Variants in NTHL1 observed in about 807,000 individuals in gnomAD.
NTHL1 encodes the protein nth like DNA glycosylase 1.
A neutral mutation model predicts 32.3 loss-of-function variants in NTHL1; 32 were observed. The ratio of observed to expected loss-of-function variants is 0.99; its 90% CI spans 0.75 to 1.33. The LOEUF (loss-of-function observed/expected upper bound fraction) is 1.33, where lower values mean the gene tolerates loss of function less well. Among genes scored for constraint, NTHL1 ranks in the 40% most tolerant of loss-of-function variants. The pLI, the probability that NTHL1 is intolerant of heterozygous loss-of-function variation, is 0.00. For missense variants in NTHL1, 501 were observed against 414.1 expected, an observed-to-expected ratio of 1.21 and a Z score of -1.82; for synonymous variants, 188 against 176.9, an observed-to-expected ratio of 1.06 and a Z score of -0.50.
At position 2,044,556 on chromosome 16, in the gene NTHL1, C is replaced by T; in HGVS notation, c.525+74G>A. 2.5e-6 allele frequency: 4 copies of T among 1,579,978 alleles called. No homozygotes were observed. Among genetic ancestry groups the T allele is most frequent in the Non-Finnish European group, 3.4e-6 (4 of 1,165,174 alleles). On this transcript the variant is annotated intron_variant, in intron 3 of 5. Transcript: ENST00000651570. The surrounding 1 kb of genome is among the most constrained non-coding windows in gnomAD (Gnocchi z 5.0). Reference sequence around the variant, plus strand: ...TTGACCCTCACTTCCTGCACCGTCGCCACCCCCCTCAGCCTTCTGAGGTCT... The same window carrying T: ...TTGACCCTCACTTCCTGCACCGTCGTCACCCCCCTCAGCCTTCTGAGGTCT...
At chr16:2,041,985 T>C (rs2084273606) in intron 4 of NTHL1, 6 of 453,548 alleles carry the variant, frequency 1.3e-5, no homozygotes, top group Admixed American at 9.5e-5. Flanking sequence ...ACTCCTGACC[T>C]CAGGTGATCC....
chr16:2,042,442 G>A (rs897401021), intron 4 of NTHL1, among the ~76,000 whole-genome samples: 16 of 152,258 alleles, frequency 1.1e-4, no homozygotes, highest in African/African-American at 2.6e-4. Flanking sequence ...AGGTGGCCCC[G>A]GCTCAGAATA....
chr16:2,043,548 C>G lies in NTHL1; in HGVS notation c.685+19G>C. The G allele has an allele frequency of 6.2e-7, 1 of 1,603,002 alleles. No homozygotes were observed. The highest frequency in any genetic ancestry group is 1.3e-5 in the African/African-American group (1 of 75,026). Reference sequence around the variant, plus strand: ...GAGCAGCCAGTGGGCTGGAGCCAGCCCCGCCCTCCTCTACTCACCAATGCC... The same window carrying G: ...GAGCAGCCAGTGGGCTGGAGCCAGCGCCGCCCTCCTCTACTCACCAATGCC... On this transcript the variant is annotated intron_variant, in intron 4 of 5. Transcript: ENST00000651570. The surrounding 1 kb of genome is among the most constrained non-coding windows in gnomAD (Gnocchi z 4.4).
rs2150938422 is a variant in NTHL1, at chr16:2,040,222, C to T, written c.702G>A (p.Val234=). 6.2e-7 allele frequency: 1 copy of T among 1,613,702 alleles called. No individual in the cohort carries two copies. The highest frequency in any genetic ancestry group is 8.5e-7 in the Non-Finnish European group (1 of 1,180,020). Residue 234 remains valine, a synonymous_variant, in exon 5 of 6, where the codon GTG becomes GTA. Coordinates refer to ENST00000651570, the MANE Select transcript of NTHL1 (RefSeq NM_002528.7). The part of the protein sequence containing the change: ...TVSGIAVDTH[V]HRIANRLRWT... ...ACCTCAGCCTGTTGGCGATTCTGTG[C>T]ACATGCGTGTCCACTGCTGCTGGGA...
chr16:2,040,428 C>T, intron 4 of NTHL1, 190 bp from the exon 5 acceptor site: 1 of 656,266 alleles, frequency 1.5e-6, no homozygotes, highest in South Asian at 1.7e-5. Flanking sequence ...AGGGGCTGAG[C>T]CCTCTGTTGG....
At chr16:2,045,751 T>C (rs2084340589) in intron 2 of NTHL1, among the ~76,000 whole-genome samples, 1 of 152,170 alleles carries the variant, frequency 6.6e-6, no homozygotes, top group Admixed American at 6.5e-5. Flanking sequence ...CTACCCATTT[T>C]ACAGACAAGC....
chr16:2,047,531 G>T (rs1258895080), intron 1 of NTHL1, 178 bp downstream of exon 1: 4 of 1,099,106 alleles, frequency 3.6e-6, no homozygotes, highest in African/African-American at 1.6e-5. Context: ...CCTGCGGACC[G>T]CAATCTTTGG....
In NTHL1 at chr16:2,043,712, G is replaced by A. The variant is rs750162495; in HGVS notation, c.540C>T (p.Tyr180=). Residue 180 remains tyrosine (Y), a synonymous_variant, in exon 4 of 6, where the codon TAC becomes TAT. Transcript: ENST00000651570. This position sits in a 1 kb window ranked among gnomAD's most constrained non-coding sequence, Gnocchi z 4.4. ...GCAGGATGGCGCTGGTCTGCTTGAT[G>A]TATTTCACCTTGCTCTGAAAGACAG... is the stretch of plus-strand genomic sequence containing the variant. ...PVGFWRSKVK[Y]IKQTSAILQQ... The A allele has an allele frequency of 4.3e-6, 7 of 1,611,832 alleles. No homozygotes were observed. The South Asian group carries it at 7.7e-5, about 18-fold the overall frequency.
chr16:2,047,583 C>T, intron 1 of NTHL1, 126 bp downstream of exon 1: 1 of 1,402,332 alleles, frequency 7.1e-7, no homozygotes, highest in Non-Finnish European at 9.4e-7. Flanking sequence ...CACGTGGGAA[C>T]CGTTCGCGGC....
In NTHL1 at chr16:2,044,547, GCAC is replaced by G; in HGVS notation, c.525+80_525+82del. 1 of 1,564,124 alleles carries G rather than the reference GCAC, an allele frequency of 6.4e-7. No homozygotes were observed. The highest frequency in any genetic ancestry group is 8.7e-7 in the Non-Finnish European group (1 of 1,151,170). On this transcript the variant is annotated intron_variant, in intron 3 of 5. Transcript: ENST00000651570. The surrounding 1 kb of genome is among the most constrained non-coding windows in gnomAD (Gnocchi z 5.0). ...CTGAGATGCTTGACCCTCACTTCCT[GCAC>G]CGTCGCCACCCCCCTCAGCCTTCTG...
In NTHL1 at chr16:2,039,935, G is replaced by A. The variant is rs748270262; in HGVS notation, c.904C>T (p.Gln302Ter). ...CLNQALCPAA[Q>*]GL ...GAGCCATGCGGCCATCAGAGACCCT[G>A]GGCGGCCGGGCAGAGGGCTTGGTTG... Residue 302 changes from glutamine (Q) to a stop codon, truncating the protein, a stop_gained, in exon 6 of 6, where the codon CAG becomes TAG. Transcript: ENST00000651570. LOFTEE classifies it high-confidence loss of function. 1.2e-6 allele frequency: 2 copies of A among 1,603,078 alleles called. No homozygotes were observed. Among genetic ancestry groups the A allele is most frequent in the Non-Finnish European group, 1.7e-6 (2 of 1,179,858 alleles).
At position 2,039,850 on chromosome 16, in the gene NTHL1, C is replaced by T. The variant is rs749683630; in HGVS notation, c.*74G>A. 14 of 1,585,114 alleles carry T rather than the reference C, an allele frequency of 8.8e-6. No homozygotes were observed. The highest frequency in any genetic ancestry group is 1.7e-5 in the Admixed American group (1 of 59,862). ...ACACACCAAAGCTTTATTCAACAGG[C>T]GTGGCTTCCTGAAGCGTAAAGCCAC... is the stretch of plus-strand genomic sequence containing the variant. On this transcript the variant is annotated 3_prime_UTR_variant, in exon 6 of 6. Transcript: ENST00000651570.
rs1330061245 is a variant in NTHL1, at chr16:2,046,021, A to G, written c.354+107T>C. ...GGGGCACCGGGTGTCCATCCTCCCA[A>G]GGTGCTGTCTGCAGGGGAGGGTGCC... On this transcript the variant is annotated intron_variant, in intron 2 of 5. Transcript: ENST00000651570. 23 of 848,472 alleles carry G rather than the reference A, an allele frequency of 2.7e-5. No individual in the cohort carries two copies. In the East Asian group the frequency reaches 5.6e-4, roughly 21 times the overall value. The allele number at this position is 848,472 out of a possible 1,614,324, so 52.6% of individuals were successfully genotyped here.
chr16:2,041,127 G>A (rs1028855351), intron 4 of NTHL1, among the ~76,000 whole-genome samples: 13 of 152,238 alleles, frequency 8.5e-5, no homozygotes, highest in African/African-American at 2.2e-4. Context: ...AGAGAAAGCC[G>A]AGGCCTGCAC....
intron 1 of NTHL1, 186 bp downstream of exon 1, chr16:2,047,523 T>C: frequency 9.6e-7 from 1 of 1,037,588 alleles, no homozygotes; most frequent in Non-Finnish European, 1.3e-6. Flanking sequence ...ACCCAGCCCC[T>C]GCGGACCGCA....
Position 2,039,917 on chromosome 16 carries a change from G to A in NTHL1, c.*7C>T. 2 of 1,600,800 alleles carry A rather than the reference G, an allele frequency of 1.2e-6. No individual in the cohort carries two copies. Among genetic ancestry groups the A allele is most frequent in the Non-Finnish European group, 1.7e-6 (2 of 1,179,818 alleles). On this transcript the variant is annotated 3_prime_UTR_variant, in exon 6 of 6. Coordinates refer to ENST00000651570, the MANE Select transcript of NTHL1 (RefSeq NM_002528.7). ...ACAGCGGCACCTCGGCCAGAGCCAT[G>A]CGGCCATCAGAGACCCTGGGCGGCC...
chr16:2,040,929 C>T (rs938575764), intron 4 of NTHL1, among the ~76,000 whole-genome samples: 1 of 152,226 alleles, frequency 6.6e-6, no homozygotes, highest in African/African-American at 2.4e-5. Context: ...TAGCACCTGC[C>T]ACTGCAGCGG....
Position 2,039,842 on chromosome 16 carries a change from T to G in NTHL1, c.*82A>C. On this transcript the variant is annotated 3_prime_UTR_variant, in exon 6 of 6. Coordinates refer to ENST00000651570, the MANE Select transcript of NTHL1 (RefSeq NM_002528.7). Reference sequence around the variant, plus strand: ...ATCTGCAAACACACCAAAGCTTTATTCAACAGGCGTGGCTTCCTGAAGCGT... The same window carrying G: ...ATCTGCAAACACACCAAAGCTTTATGCAACAGGCGTGGCTTCCTGAAGCGT... The G allele has an allele frequency of 6.3e-7, 1 of 1,581,822 alleles. No homozygotes were observed. The highest frequency in any genetic ancestry group is 1.3e-5 in the African/African-American group (1 of 74,706).
At chr16:2,045,269 G>A (rs976193591) in intron 2 of NTHL1, among the ~76,000 whole-genome samples, 2 of 151,898 alleles carry the variant, frequency 1.3e-5, no homozygotes, top group Admixed American at 6.6e-5. Context: ...CCTCGGAGGC[G>A]AAGGTTGCAG....
Sources: gnomAD v4.1 joint callset for allele counts (sites outside exome capture counted in the v4.1 genomes callset) on GRCh38, gnomAD v4.1.1 for gene constraint, Gnocchi (gnomAD v3.1) non-coding constraint, MANE v1.5 for transcripts, NCBI Gene and HGNC (gene_info 2026-07-23, HGNC 2026-07-21) for gene names.